CCSER1: variants seen among roughly 807,000 people sequenced by gnomAD.
CCSER1 encodes serine-rich coiled-coil domain-containing protein 1.
In CCSER1, 41 loss-of-function variants were observed where a neutral mutation model predicts 82.0. The ratio of observed to expected loss-of-function variants is 0.50; its 90% CI spans 0.39 to 0.65. CCSER1 has a LOEUF of 0.65. Ranked by LOEUF, CCSER1 falls within the 30% of genes least tolerant of loss-of-function variation. CCSER1 has a pLI of 0.00. For synonymous variants in CCSER1, 414 were observed against 383.9 expected, an observed-to-expected ratio of 1.08 and a Z score of -0.92; for missense variants, 1,119 against 1,064.2, an observed-to-expected ratio of 1.05 and a Z score of -0.72.
At chr4:91,092,248 C>A (rs927824571) in intron 10 of CCSER1, among the ~76,000 whole-genome samples, 1 of 152,178 alleles carries the variant, frequency 6.6e-6, no homozygotes, top group Admixed American at 6.5e-5. Flanking sequence ...ACTAAGTCAG[C>A]CACAAATGCT....
At chr4:91,314,705 T>C (rs1045051856) in intron 10 of CCSER1, among the ~76,000 whole-genome samples, 1 of 152,014 alleles carries the variant, frequency 6.6e-6, no homozygotes, top group African/African-American at 2.4e-5. Flanking sequence ...CACTGCCTTC[T>C]AAGATTCTCA....
At chr4:90,205,227 A>G (rs1057149921) in intron 1 of CCSER1, among the ~76,000 whole-genome samples, 2 of 152,158 alleles carry the variant, frequency 1.3e-5, no homozygotes, top group Non-Finnish European at 1.5e-5. Context: ...TTCCAATACT[A>G]TGTTGAATAG....
chr4:90,711,625 A>T (rs1740628808), intron 6 of CCSER1, among the ~76,000 whole-genome samples: 1 of 151,834 alleles, frequency 6.6e-6, no homozygotes, highest in African/African-American at 2.4e-5. Flanking sequence ...TTATGTGTCA[A>T]ATGAGAATTA....
chr4:90,233,244 C>G (rs1288198461), intron 1 of CCSER1, among the ~76,000 whole-genome samples: 2 of 151,944 alleles, frequency 1.3e-5, no homozygotes, highest in Non-Finnish European at 2.9e-5. Flanking sequence ...CAATGATAGA[C>G]TGGATTAAGA....
chr4:90,217,160 C>G (rs993699488), intron 1 of CCSER1, among the ~76,000 whole-genome samples: 1 of 152,068 alleles, frequency 6.6e-6, no homozygotes, highest in Non-Finnish European at 1.5e-5. Flanking sequence ...AGTCATTTAT[C>G]AGCTCCAGGA....
intron 10 of CCSER1, among the ~76,000 whole-genome samples, chr4:91,595,229 G>GT (rs1308930246): frequency 6.6e-6 from 1 of 152,122 alleles, no homozygotes; most frequent in Non-Finnish European, 1.5e-5. Flanking sequence ...TCGAGATAGT[G>GT]TAATTGCACA....
chr4:91,560,383 C>T (rs1163641527), intron 10 of CCSER1, among the ~76,000 whole-genome samples: 1 of 151,448 alleles, frequency 6.6e-6, no homozygotes, highest in Non-Finnish European at 1.5e-5. Context: ...TTGTCTGAAA[C>T]ATAGTGGGTG....
intron 7 of CCSER1, among the ~76,000 whole-genome samples, chr4:90,813,345 G>A (rs922429029): frequency 2.0e-5 from 3 of 152,188 alleles, no homozygotes; most frequent in Non-Finnish European, 2.9e-5. Context: ...AGGGAATGCC[G>A]ATGCAAGGGA....
chr4:91,125,760 G>A (rs1727458225), intron 10 of CCSER1, among the ~76,000 whole-genome samples: 2 of 151,548 alleles, frequency 1.3e-5, no homozygotes, highest in Admixed American at 1.3e-4. Context: ...CGAAAAAAAT[G>A]AGAATTATTG....
At chr4:90,354,686 T>A (rs889218268) in intron 3 of CCSER1, among the ~76,000 whole-genome samples, 15 of 152,166 alleles carry the variant, frequency 9.9e-5, no homozygotes, top group Admixed American at 9.8e-4. Flanking sequence ...TGACTTCCAT[T>A]TGATGGTTCT....
At chr4:90,262,972 C>A (rs1353994379) in intron 1 of CCSER1, among the ~76,000 whole-genome samples, 1 of 152,110 alleles carries the variant, frequency 6.6e-6, no homozygotes, top group Non-Finnish European at 1.5e-5. Flanking sequence ...TCGCTGAGTT[C>A]CTGTGGGAGG....
chr4:90,694,539 C>T (rs1736629574), intron 6 of CCSER1, among the ~76,000 whole-genome samples: 1 of 152,022 alleles, frequency 6.6e-6, no homozygotes, highest in African/African-American at 2.4e-5. Context: ...CTTTGCTATT[C>T]ATACAAGCTT....
chr4:91,571,758 T>G (rs1763195551), intron 10 of CCSER1, among the ~76,000 whole-genome samples: 1 of 151,960 alleles, frequency 6.6e-6, no homozygotes, highest in African/African-American at 2.4e-5. Flanking sequence ...CACAGAGATG[T>G]AGGCCATCAG....
chr4:90,950,557 C>A (rs1732793419), intron 9 of CCSER1, among the ~76,000 whole-genome samples: 1 of 151,978 alleles, frequency 6.6e-6, no homozygotes, highest in African/African-American at 2.4e-5. Context: ...CGTTGAATTC[C>A]CACAGCTCTA....
chr4:90,746,495 C>CT (rs1388407689), intron 7 of CCSER1, among the ~76,000 whole-genome samples: 1 of 152,138 alleles, frequency 6.6e-6, no homozygotes, highest in Non-Finnish European at 1.5e-5. Context: ...AACTTATCCT[C>CT]TTTTTTCTCT....
intron 9 of CCSER1, among the ~76,000 whole-genome samples, chr4:90,941,204 A>G (rs931019029): frequency 6.6e-6 from 1 of 152,148 alleles, no homozygotes. Context: ...CCCTTTTGCT[A>G]GGTACTTCAA....
chr4:90,457,408 G>T (rs936195088), intron 4 of CCSER1, among the ~76,000 whole-genome samples: 29 of 152,184 alleles, frequency 1.9e-4, no homozygotes, highest in Admixed American at 6.5e-5. Context: ...GTGCCATTCA[G>T]CAGGTCCCAA....
rs182005881 is a variant in CCSER1 at position 91,260,091 on chromosome 4, G to A, written c.2217+174097G>A. Among the ~76,000 whole-genome samples the A allele has an allele frequency of 4.8e-4, 73 of 152,286 alleles. No homozygotes were observed. The East Asian group carries it at 0.011, about 22-fold the overall frequency. ...GTCAAAATTAATTCAATTCACAGCA[G>A]TATTAACATTCGGGGTTACTGTGGA... On this transcript the variant is annotated intron_variant, in intron 10 of 10. Coordinates refer to ENST00000509176, the MANE Select transcript of CCSER1 (RefSeq NM_001145065.2).
At chr4:90,828,320 CAT>C (rs77878590) in intron 8 of CCSER1, among the ~76,000 whole-genome samples, 10,918 of 152,174 alleles carry the variant, frequency 0.072, 500 homozygotes, top group Admixed American at 0.13. Context: ...ATTTTTATAA[CAT>C]GTGTGAATGC....
Sources: gnomAD v4.1 joint callset for allele counts (sites outside exome capture counted in the v4.1 genomes callset) on GRCh38, gnomAD v4.1.1 for gene constraint, MANE v1.5 for transcripts, NCBI Gene and HGNC (gene_info 2026-07-23, HGNC 2026-07-21) for gene names.